Variants in LRRFIP2 observed in about 807,000 individuals in gnomAD.
LRRFIP2 encodes the protein leucine-rich repeat flightless-interacting protein 2.
In LRRFIP2, 109 loss-of-function variants were observed where a neutral mutation model predicts 125.9. The ratio of observed to expected loss-of-function variants is 0.87; its 90% confidence interval spans 0.74 to 1.01. The LOEUF is 1.01. LRRFIP2 is among the 50% of genes least tolerant of loss of function. LRRFIP2 has a pLI of 0.00. For synonymous variants in LRRFIP2, 291 were observed against 293.1 expected, an observed-to-expected ratio of 0.99 and a Z score of 0.07; for missense variants, 850 against 862.3, an observed-to-expected ratio of 0.99 and a Z score of 0.18.
chr3:37,070,782 T>C (rs1000368473), intron 21 of LRRFIP2, among the ~76,000 whole-genome samples: 17 of 152,146 alleles, frequency 1.1e-4, no homozygotes, highest in African/African-American at 4.1e-4. Context: ...AAATAATTTA[T>C]ATTTTAAACT....
chr3:37,092,638 T>G (rs1183157714), intron 17 of LRRFIP2, among the ~76,000 whole-genome samples: 1 of 152,196 alleles, frequency 6.6e-6, no homozygotes, highest in Non-Finnish European at 1.5e-5. Flanking sequence ...CAAGAGTTTA[T>G]CTTATTCAAC....
At chr3:37,108,758 A>ATGG (rs1372894104) in intron 11 of LRRFIP2, 74 bp from the exon 12 acceptor site, 1 of 1,284,030 alleles carries the variant, frequency 7.8e-7, no homozygotes, top group Non-Finnish European at 1.1e-6. Context: ...TGTTTTCACA[A>ATGG]TACTCAGTAC....
chr3:37,062,051 G>C (rs895016185), intron 24 of LRRFIP2, among the ~76,000 whole-genome samples: 1 of 152,024 alleles, frequency 6.6e-6, no homozygotes, highest in Non-Finnish European at 1.5e-5. Context: ...TTAATTTCAA[G>C]GTCCATCATT....
Position 37,058,806 on chromosome 3 carries a change from C to T in LRRFIP2, c.1854G>A (p.Gln618=). Residue 618 remains glutamine, a synonymous_variant, in exon 25 of 28, where the codon CAG becomes CAA. Transcript: ENST00000336686. ...LAGLQNGSDL[Q]FIEMQRDANR... Reference sequence around the variant, plus strand: ...GGTACCTACTCTGCATTTCGATGAACTGCAAGTCTGAGCCATTCTGCAGTC... The same window carrying T: ...GGTACCTACTCTGCATTTCGATGAATTGCAAGTCTGAGCCATTCTGCAGTC... 6.2e-7 allele frequency: 1 copy of T among 1,613,992 alleles called. No homozygotes were observed. The highest frequency in any genetic ancestry group is 8.5e-7 in the Non-Finnish European group (1 of 1,179,926).
Position 37,129,148 on chromosome 3 carries a change from G to A in LRRFIP2, c.92C>T (p.Ala31Val), listed in dbSNP as rs745768865. 6.2e-7 allele frequency: 1 copy of A among 1,613,384 alleles called. No homozygotes were observed. The highest frequency in any genetic ancestry group is 2.2e-5 in the East Asian group (1 of 44,870). The change falls in exon 3 of 28, where the codon GCA becomes GTA. Residue 31 changes from alanine (A) to valine (V), a missense_variant and splice_region_variant. By Grantham distance (64) the Ala-to-Val change is moderately conservative. Transcript: ENST00000336686. ...CCGTTTTGCTGCCAGCCTTGCCTCT[G>A]CCTGAAAAGTAATATAAAACTCAGC... ...DEALSNIARE[A>V]EARLAAKRAA...
At chr3:37,100,394 A>G (rs1382969923) in intron 15 of LRRFIP2, among the ~76,000 whole-genome samples, 1 of 151,914 alleles carries the variant, frequency 6.6e-6, no homozygotes, top group Non-Finnish European at 1.5e-5. Flanking sequence ...ATACATACAT[A>G]CATGTGTATG....
chr3:37,089,743 A>G (rs555310437), intron 18 of LRRFIP2, among the ~76,000 whole-genome samples: 1 of 152,114 alleles, frequency 6.6e-6, no homozygotes, highest in South Asian at 2.1e-4. Flanking sequence ...CCTGAATCAC[A>G]TGATTGCTTT....
intron 15 of LRRFIP2, among the ~76,000 whole-genome samples, chr3:37,101,994 AAT>A (rs1234128696): frequency 6.6e-6 from 1 of 152,230 alleles, no homozygotes; most frequent in Non-Finnish European, 1.5e-5. Flanking sequence ...AAATATTTAA[AAT>A]ATATTCAGAT....
At chr3:37,135,021 C>T in intron 2 of LRRFIP2, 1 of 1,490,768 alleles carries the variant, frequency 6.7e-7, no homozygotes, top group Non-Finnish European at 9.3e-7. Flanking sequence ...CCCCTAGTGC[C>T]AGAGAGCACA....
intron 2 of LRRFIP2, among the ~76,000 whole-genome samples, chr3:37,138,006 A>C (rs2095601060): frequency 6.6e-6 from 1 of 152,094 alleles, no homozygotes; most frequent in African/African-American, 2.4e-5. Flanking sequence ...TTGTACTTTC[A>C]CTTATAATAC....
intron 19 of LRRFIP2, among the ~76,000 whole-genome samples, chr3:37,077,065 T>C (rs1225382426): frequency 6.6e-6 from 1 of 152,084 alleles, no homozygotes; most frequent in Admixed American, 6.6e-5. Context: ...AACAGAACTA[T>C]GGGGAAAGAA....
chr3:37,162,014 C>G (rs2096359220), intron 1 of LRRFIP2, among the ~76,000 whole-genome samples: 1 of 151,556 alleles, frequency 6.6e-6, no homozygotes, highest in South Asian at 2.1e-4. Context: ...CTCCTCTCAT[C>G]TCTATCAAAA....
Position 37,121,712 on chromosome 3 carries a change from T to C in LRRFIP2, c.229-21A>G, listed in dbSNP as rs759750437. On this transcript the variant is annotated intron_variant, in intron 4 of 27. Coordinates refer to ENST00000336686, the MANE Select transcript of LRRFIP2 (RefSeq NM_006309.4). ...TCTTCCTGGGAAAGGAGAAAGTACA[T>C]GGAGAGTTAATCACTGAATAGACAG... 10 of 1,611,818 alleles carry C rather than the reference T, an allele frequency of 6.2e-6. No individual in the cohort carries two copies. The Admixed American group carries it at 1.7e-4, about 27-fold the overall frequency.
chr3:37,108,185 T>G, intron 12 of LRRFIP2, 56 bp from the exon 13 acceptor site: 1 of 1,368,708 alleles, frequency 7.3e-7, no homozygotes, highest in African/African-American at 1.4e-5. Context: ...ATTATTCTAA[T>G]GAGAATACAT....
chr3:37,127,936 T>A (rs540827264), intron 3 of LRRFIP2, among the ~76,000 whole-genome samples: 18 of 152,258 alleles, frequency 1.2e-4, no homozygotes, highest in Admixed American at 4.6e-4. Flanking sequence ...TTATTTATTT[T>A]TTTGAGACAG....
chr3:37,078,258 G>A (rs1037688208), intron 19 of LRRFIP2, among the ~76,000 whole-genome samples: 2 of 151,960 alleles, frequency 1.3e-5, no homozygotes, highest in Non-Finnish European at 2.9e-5. Flanking sequence ...AGTTAGAAGC[G>A]CAGAAAGAAA....
intron 1 of LRRFIP2, among the ~76,000 whole-genome samples, chr3:37,161,468 A>AT (rs2096342954): frequency 6.6e-6 from 1 of 152,260 alleles, no homozygotes; most frequent in Admixed American, 6.5e-5. Flanking sequence ...TACATATTGA[A>AT]TAACTTCATT....
chr3:37,167,637 G>A (rs2096526902), intron 1 of LRRFIP2, among the ~76,000 whole-genome samples: 1 of 135,306 alleles, frequency 7.4e-6, no homozygotes, highest in South Asian at 2.3e-4. Flanking sequence ...CTAGGCAACA[G>A]AGCAACACTC....
At chr3:37,067,370 A>G (rs1201456346) in intron 21 of LRRFIP2, 3 of 152,250 alleles carry the variant, frequency 2.0e-5, no homozygotes, top group African/African-American at 2.4e-5. Flanking sequence ...AATTAAAAAT[A>G]CACCCAAGGT....
Sources: gnomAD v4.1 joint callset for allele counts (sites outside exome capture counted in the v4.1 genomes callset) on GRCh38, gnomAD v4.1.1 for gene constraint, MANE v1.5 for transcripts, NCBI Gene and HGNC (gene_info 2026-07-23, HGNC 2026-07-21) for gene names.